NOL9: variants seen among roughly 807,000 people sequenced by gnomAD.
NOL9 encodes the protein nucleolar protein 9.
In NOL9, 28 loss-of-function variants were observed where a neutral mutation model predicts 67.9. The observed-to-expected ratio is 0.41, with a 90% CI of 0.31 to 0.57. The LOEUF (loss-of-function observed/expected upper bound fraction) is 0.57, where lower values mean the gene tolerates loss of function less well. NOL9 is among the 20% of genes least tolerant of loss of function. The probability of loss-of-function intolerance (pLI) is 0.25; values close to 1 mark genes in which losing one functional copy is unlikely to be tolerated. For missense variants in NOL9, 777 were observed against 897.0 expected, an observed-to-expected ratio of 0.87 and a Z score of 1.71; for synonymous variants, 356 against 352.2, an observed-to-expected ratio of 1.01 and a Z score of -0.12.
rs1343418088 is a variant in NOL9 at position 6,523,794 on chromosome 1, GA to G, written c.*2059del. ...CAGTACGGCCACCTGACCCACAGCTGATAGCTCCCTCTAGAGGCAACGATTT... is the reference window on the plus strand; with the variant it reads ...CAGTACGGCCACCTGACCCACAGCTGTAGCTCCCTCTAGAGGCAACGATTT... On this transcript the variant is annotated 3_prime_UTR_variant, in exon 12 of 12. Coordinates refer to ENST00000377705, the MANE Select transcript of NOL9 (RefSeq NM_024654.5). The G allele has an allele frequency of 1.3e-5, 2 of 152,056 alleles. No individual in the cohort carries two copies. Among genetic ancestry groups the G allele is most frequent in the African/African-American group, 4.8e-5 (2 of 41,376 alleles). 9.4% of individuals were successfully genotyped at this position (152,056 alleles called of 1,614,324 possible). A position where few individuals can be genotyped will look rare whatever the true frequency, so the allele number is the denominator to read the frequency against.
At chr1:6,547,752 G>C (rs1639449833) in intron 3 of NOL9, among the ~76,000 whole-genome samples, 1 of 152,016 alleles carries the variant, frequency 6.6e-6, no homozygotes, top group South Asian at 2.1e-4. Context: ...CTACTGAGAG[G>C]CCCCGGTGGG....
chr1:6,553,756 C>A (rs1570093865), intron 1 of NOL9, among the ~76,000 whole-genome samples: 2 of 152,202 alleles, frequency 1.3e-5, no homozygotes, highest in East Asian at 3.9e-4. Context: ...GCAGGGGAAT[C>A]GCTTCAACCC....
intron 6 of NOL9, among the ~76,000 whole-genome samples, chr1:6,537,123 G>A (rs561626451): frequency 1.2e-4 from 19 of 152,132 alleles, no homozygotes; most frequent in African/African-American, 3.4e-4. Context: ...TCTGACAAAG[G>A]TGCTAATAAC....
intron 5 of NOL9, among the ~76,000 whole-genome samples, chr1:6,544,543 A>ACGCACGCACACACCCCCC (rs1553183963): frequency 4.1e-5 from 1 of 24,536 alleles, no homozygotes; most frequent in Non-Finnish European, 1.1e-4. Context: ...GCACACACGC[A>ACGCACGCACACACCCCCC]CCCCCCCCCC....
At chr1:6,541,735 T>C in intron 6 of NOL9, 95 bp downstream of exon 6, 1 of 645,136 alleles carries the variant, frequency 1.6e-6, no homozygotes, top group South Asian at 3.5e-5. Flanking sequence ...TGTTCCCTTT[T>C]AATATTTTAT....
chr1:6,553,931 C>T (rs1639604017), intron 1 of NOL9, among the ~76,000 whole-genome samples, 176 bp downstream of exon 1: 1 of 152,208 alleles, frequency 6.6e-6, no homozygotes, highest in South Asian at 2.1e-4. Flanking sequence ...ACCTGTTACC[C>T]TGCTGCTCAG....
intron 8 of NOL9, 76 bp from the exon 9 acceptor site, chr1:6,532,155 G>A: frequency 1.7e-6 from 2 of 1,146,566 alleles, no homozygotes; most frequent in African/African-American, 1.5e-5. Flanking sequence ...CATCACAGAG[G>A]TCACATTTTC....
intron 5 of NOL9, among the ~76,000 whole-genome samples, chr1:6,542,885 C>A (rs1399202441): frequency 6.6e-6 from 1 of 152,034 alleles, no homozygotes; most frequent in Admixed American, 6.6e-5. Flanking sequence ...AGCTAACACT[C>A]AGCCATTTTT....
chr1:6,542,194 C>T (rs1418846412), intron 5 of NOL9, among the ~76,000 whole-genome samples: 2 of 149,820 alleles, frequency 1.3e-5, no homozygotes, highest in Non-Finnish European at 3.0e-5. Context: ...TGGAGTCTCA[C>T]GCTGTTGCCC....
intron 11 of NOL9, 151 bp downstream of exon 11, chr1:6,526,545 G>T: frequency 1.4e-6 from 1 of 728,380 alleles, no homozygotes; most frequent in Non-Finnish European, 2.1e-6. Flanking sequence ...CTTGGAGGCG[G>T]CCCTGACACC....
Position 6,525,766 on chromosome 1 carries a change from C to G in NOL9, c.*88G>C, listed in dbSNP as rs549282389. ...TTGCTAATAAGGGCACCATTCATGGCCATGAAACTCCATCATGTCTCTTGT... is the reference window on the plus strand; with the variant it reads ...TTGCTAATAAGGGCACCATTCATGGGCATGAAACTCCATCATGTCTCTTGT... On this transcript the variant is annotated 3_prime_UTR_variant, in exon 12 of 12. Coordinates refer to ENST00000377705, the MANE Select transcript of NOL9 (RefSeq NM_024654.5). 1 of 1,373,832 alleles carries G rather than the reference C, an allele frequency of 7.3e-7. No individual in the cohort carries two copies. Among genetic ancestry groups the G allele is most frequent in the South Asian group, 1.2e-5 (1 of 82,160 alleles). The allele number at this position is 1,373,832 out of a possible 1,614,324, so 85.1% of individuals were successfully genotyped here.
rs1638915972 is a variant in NOL9 at position 6,527,553 on chromosome 1, A to T, written c.1826-724T>A. 1.3e-5 allele frequency among the ~76,000 whole-genome samples: 2 copies of T among 151,932 alleles called. 1 individual carries two copies. Among genetic ancestry groups the T allele is most frequent in the Admixed American group, 1.3e-4 (2 of 15,216 alleles). The stretch of plus-strand genomic sequence containing the variant: ...TCCCAGCTACTCGGGAGTCTGAGAC[A>T]CAAGAATCACTTGAACTCGGGAGGC... On this transcript the variant is annotated intron_variant, in intron 10 of 11. Coordinates refer to ENST00000377705, the MANE Select transcript of NOL9 (RefSeq NM_024654.5).
At position 6,522,006 on chromosome 1, in the gene NOL9, T is replaced by C. The variant is rs1190269290; in HGVS notation, c.*3848A>G. The C allele has an allele frequency of 6.6e-6, 1 of 152,190 alleles. No homozygotes were observed. The highest frequency in any genetic ancestry group is 2.4e-5 in the African/African-American group (1 of 41,454). The allele number at this position is 152,190 out of a possible 1,614,324, so 9.4% of individuals were successfully genotyped here. A position where few individuals can be genotyped will look rare whatever the true frequency, so the allele number is the denominator to read the frequency against. On this transcript the variant is annotated 3_prime_UTR_variant, in exon 12 of 12. Transcript: ENST00000377705. ...AGGATTTGAACTCAGAGCTCTATAA[T>C]CAAAGCCTGCTGTCTTATCCATGAT...
At chr1:6,550,221 C>T (rs1279590379) in intron 2 of NOL9, among the ~76,000 whole-genome samples, 175 bp downstream of exon 2, 2 of 152,050 alleles carry the variant, frequency 1.3e-5, no homozygotes, top group Non-Finnish European at 2.9e-5. Flanking sequence ...TTAGTAGAGA[C>T]AGGGTTTCAC....
intron 10 of NOL9, 83 bp downstream of exon 10, chr1:6,528,911 A>T: frequency 7.3e-7 from 1 of 1,373,502 alleles, no homozygotes; most frequent in Non-Finnish European, 1.0e-6. Flanking sequence ...AGACACAGCT[A>T]CAAGGTCAAG....
intron 3 of NOL9, among the ~76,000 whole-genome samples, chr1:6,548,774 A>G (rs1557793838): frequency 6.6e-6 from 1 of 152,166 alleles, no homozygotes; most frequent in Non-Finnish European, 1.5e-5. Flanking sequence ...TGAAATATAA[A>G]GACAACCATT....
In NOL9 at chr1:6,528,877, G is replaced by A. The variant is rs562238003; in HGVS notation, c.1825+117C>T. 27 of 964,978 alleles carry A rather than the reference G, an allele frequency of 2.8e-5. No individual in the cohort carries two copies. The African/African-American group carries it at 4.1e-4, about 15-fold the overall frequency. The allele number at this position is 964,978 out of a possible 1,614,324, so 59.8% of individuals were successfully genotyped here. A position where few individuals can be genotyped will look rare whatever the true frequency, so the allele number is the denominator to read the frequency against. On this transcript the variant is annotated intron_variant, in intron 10 of 11. Transcript: ENST00000377705. ...CTAAGGCGTGCTATATAGATGAGTG[G>A]GGGTTCTCTGACCTCTGTAGCTTAG...
intron 9 of NOL9, among the ~76,000 whole-genome samples, chr1:6,529,916 A>C (rs1343913648): frequency 1.3e-5 from 2 of 152,040 alleles, no homozygotes; most frequent in Non-Finnish European, 2.9e-5. Context: ...ACAGACCAAG[A>C]CTCCATCTCA....
intron 1 of NOL9, among the ~76,000 whole-genome samples, chr1:6,551,538 G>T (rs1441725394): frequency 1.3e-5 from 2 of 151,866 alleles, no homozygotes; most frequent in African/African-American, 2.4e-5. Flanking sequence ...GGCAAAGGCT[G>T]CAGTGAGCTG....
Sources: gnomAD v4.1 joint callset for allele counts (sites outside exome capture counted in the v4.1 genomes callset) on GRCh38, gnomAD v4.1.1 for gene constraint, MANE v1.5 for transcripts, NCBI Gene and HGNC (gene_info 2026-07-23, HGNC 2026-07-21) for gene names.